The following IGSF10 variants were observed in gnomAD, a reference collection of about 807,000 sequenced individuals.
IGSF10 encodes calvaria mechanical force protein 608.
Under a neutral mutation model 128.2 loss-of-function variants are expected in IGSF10, and 126 were observed. The ratio of observed to expected loss-of-function variants is 0.98; its 90% confidence interval spans 0.85 to 1.14. IGSF10 has a LOEUF of 1.14. IGSF10 is among the 50% of genes most tolerant of loss of function. The pLI, the probability that IGSF10 is intolerant of heterozygous loss-of-function variation, is 0.00. For missense variants in IGSF10, 3,295 were observed against 3,149.8 expected (o/e 1.05, Z -1.10); for synonymous variants, 1,185 against 1,146.2 (o/e 1.03, Z -0.68).
the IGSF10 span, among the ~76,000 whole-genome samples, chr3:151,489,892 G>A: frequency 2.5e-4 from 38 of 151,988 alleles, no homozygotes; most frequent in East Asian, 1.4e-3. Flanking sequence ...GATGGGTGCA[G>A]CAAACCACCA....
the IGSF10 span, among the ~76,000 whole-genome samples, chr3:151,522,517 G>T: frequency 6.6e-6 from 1 of 152,132 alleles, no homozygotes; most frequent in South Asian, 2.1e-4. Flanking sequence ...TCATCCCTGG[G>T]ATGCAAGGTT....
the IGSF10 span, among the ~76,000 whole-genome samples, chr3:151,594,644 A>C: frequency 2.7e-5 from 4 of 146,700 alleles, no homozygotes; most frequent in African/African-American, 1.0e-4. Flanking sequence ...TTTTTTATCA[A>C]CTCTTAGAAT....
At chr3:151,585,279 CTG>C in the IGSF10 span, among the ~76,000 whole-genome samples, 2 of 152,008 alleles carry the variant, frequency 1.3e-5, no homozygotes, top group Admixed American at 1.3e-4. Context: ...TCAAAATTGA[CTG>C]TGTTTATTTC....
chr3:151,474,728 A>T, the IGSF10 span, among the ~76,000 whole-genome samples: 4 of 152,204 alleles, frequency 2.6e-5, no homozygotes, highest in African/African-American at 9.7e-5. Context: ...AAGAGGTTTA[A>T]TTGGACTTAC....
chr3:151,572,904 A>G, the IGSF10 span, among the ~76,000 whole-genome samples: 1 of 152,136 alleles, frequency 6.6e-6, no homozygotes, highest in South Asian at 2.1e-4. Flanking sequence ...TGTCCCAGAG[A>G]TTCTGGTATG....
chr3:151,536,639 G>A, the IGSF10 span, among the ~76,000 whole-genome samples: 2 of 151,934 alleles, frequency 1.3e-5, no homozygotes, highest in Non-Finnish European at 1.5e-5. Flanking sequence ...TGTTAACCAA[G>A]GTTAACAATA....
rs778608358 is a variant in IGSF10 at position 151,437,289 on chromosome 3, G to A, written c.7272C>T (p.Val2424=). 42 of 1,614,116 alleles carry A rather than the reference G, an allele frequency of 2.6e-5. No homozygotes were observed. The South Asian group carries it at 4.5e-4, about 17-fold the overall frequency. Reference sequence around the variant, plus strand: ...CTGGCTTCTGGCCAATTTCTAATATGACTAATTTCTCAATATAGCCAACTT... The same window carrying A: ...CTGGCTTCTGGCCAATTTCTAATATAACTAATTTCTCAATATAGCCAACTT... ...RNKVGYIEKL[V]ILEIGQKPVI... Residue 2424 remains valine (V), a synonymous_variant, in exon 8 of 8, where the codon GTC becomes GTT. Coordinates refer to ENST00000282466, the MANE Select transcript of IGSF10 (RefSeq NM_178822.5).
At chr3:151,558,222 G>A in the IGSF10 span, among the ~76,000 whole-genome samples, 24 of 150,566 alleles carry the variant, frequency 1.6e-4, no homozygotes, top group Admixed American at 5.4e-4. Context: ...AAGGCCTTAA[G>A]TGTCCAGTTA....
the IGSF10 span, among the ~76,000 whole-genome samples, chr3:151,618,510 C>T: frequency 1.3e-5 from 2 of 152,014 alleles, no homozygotes; most frequent in Admixed American, 1.3e-4. Flanking sequence ...GCGGGTGGAT[C>T]ATGAGGTCAG....
chr3:151,576,807 C>G, the IGSF10 span, among the ~76,000 whole-genome samples: 30 of 152,182 alleles, frequency 2.0e-4, no homozygotes, highest in South Asian at 8.3e-4. Context: ...CGGGAGAAAC[C>G]CTCAGTTCTG....
chr3:151,610,544 A>G, the IGSF10 span, among the ~76,000 whole-genome samples: 3 of 152,210 alleles, frequency 2.0e-5, no homozygotes, highest in Non-Finnish European at 4.4e-5. Flanking sequence ...CAATTGTTTT[A>G]TTAAATGACA....
Position 151,447,568 on chromosome 3 carries a change from C to T in IGSF10, c.2413G>A (p.Glu805Lys), listed in dbSNP as rs1247321142. The T allele has an allele frequency of 6.2e-7, 1 of 1,614,128 alleles. No individual in the cohort carries two copies. The highest frequency in any genetic ancestry group is 1.1e-5 in the South Asian group (1 of 91,072). Residue 805 changes from glutamate (E) to lysine (K), a missense_variant, in exon 6 of 8, where the codon GAA becomes AAA. Transcript: ENST00000282466. ...GCTTTAGTGGCCGGGACCATAAATTCCTCATGTAGAGCGAGCATGCCTGAG... is the reference window on the plus strand; with the variant it reads ...GCTTTAGTGGCCGGGACCATAAATTTCTCATGTAGAGCGAGCATGCCTGAG... The part of the protein sequence containing the change: ...DSSGMLALHE[E>K]FMVPATKALN...
chr3:151,499,609 A>T, the IGSF10 span: 4 of 152,164 alleles, frequency 2.6e-5, no homozygotes, highest in Non-Finnish European at 5.9e-5. Flanking sequence ...TTTTAACAAA[A>T]AATTCTTAAG....
downstream of IGSF10, chr3:151,433,145 A>T: frequency 5.3e-6 from 1 of 188,034 alleles, no homozygotes; most frequent in Middle Eastern, 2.1e-3. Flanking sequence ...GATCTAAGGT[A>T]TTTATGTATT....
At chr3:151,483,681 G>C in the IGSF10 span, among the ~76,000 whole-genome samples, 1 of 152,134 alleles carries the variant, frequency 6.6e-6, no homozygotes, top group Non-Finnish European at 1.5e-5. Context: ...GCAGGGTGGG[G>C]CATTGCCTCA....
chr3:151,614,717 T>C, the IGSF10 span, among the ~76,000 whole-genome samples: 2 of 152,040 alleles, frequency 1.3e-5, no homozygotes, highest in African/African-American at 4.8e-5. Context: ...ACATACCTAA[T>C]GCTAAATGAC....
the IGSF10 span, among the ~76,000 whole-genome samples, chr3:151,492,380 A>C: frequency 5.9e-5 from 9 of 152,202 alleles, no homozygotes; most frequent in African/African-American, 2.2e-4. Flanking sequence ...GATATGGAGA[A>C]AAAGGAAACC....
In IGSF10 at chr3:151,446,198, T is replaced by G; in HGVS notation, c.3783A>C (p.Gln1261His). The G allele has an allele frequency of 6.2e-7, 1 of 1,613,886 alleles. No individual in the cohort carries two copies. The highest frequency in any genetic ancestry group is 1.1e-5 in the South Asian group (1 of 91,036). The change falls in exon 6 of 8, where the codon CAA becomes CAC. Residue 1261 changes from glutamine (Q) to histidine (H), a missense_variant. Transcript: ENST00000282466. ...CGGTAGTCAAGGTATTAGATGGAAT[T>G]TGCATCACACTTGTTGAAAGTGTGG... ...HFTTLSTSVM[Q>H]IPSNTLTTAH...
the IGSF10 span, among the ~76,000 whole-genome samples, chr3:151,607,912 GAAAAAAA>G: frequency 1.7e-4 from 7 of 42,064 alleles, no homozygotes; most frequent in Non-Finnish European, 2.4e-4. Flanking sequence ...CTCCATCTCG[GAAAAAAA>G]AAAAAAAAAA....
Sources: gnomAD v4.1 joint callset for allele counts (sites outside exome capture counted in the v4.1 genomes callset) on GRCh38, gnomAD v4.1.1 for gene constraint, MANE v1.5 for transcripts, NCBI Gene and HGNC (gene_info 2026-07-23, HGNC 2026-07-21) for gene names.